KL: variants seen among roughly 807,000 people sequenced by gnomAD.
The protein encoded by KL is klotho, also known as alpha-klotho.
A neutral mutation model predicts 84.2 loss-of-function variants in KL; 62 were observed. That is an observed-to-expected ratio of 0.74 (90% CI 0.60 to 0.91). The LOEUF (loss-of-function observed/expected upper bound fraction) is 0.91, where lower values mean the gene tolerates loss of function less well. Among genes scored for constraint, KL ranks in the 40% least tolerant of loss-of-function variants. The probability of loss-of-function intolerance (pLI) is 0.00; values close to 1 mark genes in which losing one functional copy is unlikely to be tolerated. For synonymous variants in KL, 528 were observed against 528.0 expected (o/e 1.00, Z 0.00); for missense variants, 1,261 against 1,305.7 (o/e 0.97, Z 0.53).
rs1054830834 is a variant in KL at position 33,059,585 on chromosome 13, G to A, written c.1600-1094G>A. On this transcript the variant is annotated intron_variant, in intron 3 of 4. Transcript: ENST00000380099. ...CCTCCCGGGTTCAAGTGATTCTCCCGCCTCAGCTTCCTGAGTAGCTGGGAT... is the reference window on the plus strand; with the variant it reads ...CCTCCCGGGTTCAAGTGATTCTCCCACCTCAGCTTCCTGAGTAGCTGGGAT... 2.2e-4 allele frequency among the ~76,000 whole-genome samples: 34 copies of A among 151,924 alleles called. 1 individual carries two copies. Among genetic ancestry groups the A allele is most frequent in the African/African-American group, 1.7e-4 (7 of 41,348 alleles).
chr13:33,043,892 A>T (rs1467196203), intron 1 of KL, among the ~76,000 whole-genome samples: 1 of 152,242 alleles, frequency 6.6e-6, no homozygotes, highest in Non-Finnish European at 1.5e-5. Context: ...ATGTATATTT[A>T]TATAGTGCTT....
In KL at chr13:33,022,294, T is replaced by G. The variant is rs560643682; in HGVS notation, c.819+5035T>G. ...AGAAGCCTTCTGAATTATCTTATAT[T>G]CTCAAAAATATCATTGCTCTAAACT... is the stretch of plus-strand genomic sequence containing the variant. On this transcript the variant is annotated intron_variant, in intron 1 of 4. Transcript: ENST00000380099. Among the ~76,000 whole-genome samples, 27 of 152,352 alleles carry G rather than the reference T, an allele frequency of 1.8e-4. No individual in the cohort carries two copies. The South Asian group carries it at 5.6e-3, about 32-fold the overall frequency.
Position 33,055,214 on chromosome 13 carries a change from C to G in KL, c.1498C>G (p.Leu500Val). 6.2e-7 allele frequency: 1 copy of G among 1,614,222 alleles called. No homozygotes were observed. Among genetic ancestry groups the G allele is most frequent in the Non-Finnish European group, 8.5e-7 (1 of 1,180,040 alleles). ...PKSSALFYQK[L>V]IEKNGFPPLP... Reference sequence around the variant, plus strand: ...GTCTTCAGCCTTGTTCTACCAAAAGCTGATAGAGAAAAATGGCTTCCCTCC... The same window carrying G: ...GTCTTCAGCCTTGTTCTACCAAAAGGTGATAGAGAAAAATGGCTTCCCTCC... The change falls in exon 3 of 5, where the codon CTG becomes GTG. Residue 500 changes from leucine to valine, a missense_variant. By Grantham distance (32) the Leu-to-Val change is conservative. Coordinates refer to ENST00000380099, the MANE Select transcript of KL (RefSeq NM_004795.4).
In KL at chr13:33,057,844, G is replaced by A. The variant is rs149137382; in HGVS notation, c.1599+2529G>A. On this transcript the variant is annotated intron_variant, in intron 3 of 4. Transcript: ENST00000380099. ...TTTGTATGTCAGTTCTGAGGTGTGT[G>A]TGTTTTCACTTACAAACAGTACTCT... Among the ~76,000 whole-genome samples the A allele has an allele frequency of 1.6e-3, 250 of 152,326 alleles. 1 individual carries two copies. The highest frequency in any genetic ancestry group is 5.9e-3 in the African/African-American group (244 of 41,560).
chr13:33,061,392 A>G lies in KL; in HGVS notation c.2313A>G (p.Pro771=), dbSNP rs375688739. ...CCATTTTCGGCTCTGGAGATTATCC[A>G]TGGGTGATGAGGGACTGGCTGAACC... ...AEPIFGSGDY[P]WVMRDWLNQR... The change falls in exon 4 of 5, where the codon CCA becomes CCG. Residue 771 remains proline (P), a synonymous_variant. Transcript: ENST00000380099. 3.7e-6 allele frequency: 6 copies of G among 1,614,098 alleles called. No individual in the cohort carries two copies. The African/African-American group carries it at 4.0e-5, about 11-fold the overall frequency.
chr13:33,062,232 T>C (rs1294918647), intron 4 of KL, among the ~76,000 whole-genome samples: 5 of 151,732 alleles, frequency 3.3e-5, no homozygotes, highest in Non-Finnish European at 7.4e-5. Flanking sequence ...TCACAAAAAT[T>C]AGCTGGGCAC....
intron 1 of KL, among the ~76,000 whole-genome samples, chr13:33,033,266 C>A (rs574587412): frequency 6.6e-6 from 1 of 152,218 alleles, no homozygotes; most frequent in South Asian, 2.1e-4. Flanking sequence ...GTGAGAAATA[C>A]GGGAGATGGG....
At position 33,017,157 on chromosome 13, in the gene KL, C is replaced by G; in HGVS notation, c.717C>G (p.Asn239Lys). 1 of 1,601,502 alleles carries G rather than the reference C, an allele frequency of 6.2e-7. No individual in the cohort carries two copies. Among genetic ancestry groups the G allele is most frequent in the Non-Finnish European group, 8.5e-7 (1 of 1,179,778 alleles). ...GQVKYWITIDNPYVVAWHGYA... is the reference protein window; with the variant it reads ...GQVKYWITIDKPYVVAWHGYA... ...TCAAGTACTGGATCACCATCGACAA[C>G]CCCTACGTGGTGGCCTGGCACGGCT... The change falls in exon 1 of 5, where the codon AAC becomes AAG. Residue 239 changes from asparagine to lysine, a missense_variant. Transcript: ENST00000380099.
intron 1 of KL, among the ~76,000 whole-genome samples, chr13:33,038,500 C>T (rs1337577024): frequency 1.3e-5 from 2 of 152,214 alleles, no homozygotes. Flanking sequence ...TTGGATCTTA[C>T]AGTTTTTTTG....
At chr13:33,040,182 G>C (rs1871287809) in intron 1 of KL, among the ~76,000 whole-genome samples, 1 of 152,084 alleles carries the variant, frequency 6.6e-6, no homozygotes, top group African/African-American at 2.4e-5. Flanking sequence ...TTGTTTTGTG[G>C]GAGGCTGTTT....
intron 1 of KL, among the ~76,000 whole-genome samples, chr13:33,035,771 C>T (rs1593795989): frequency 6.6e-6 from 1 of 152,132 alleles, no homozygotes; most frequent in South Asian, 2.1e-4. Flanking sequence ...TTGTTAACAA[C>T]CTAGCGTCAA....
At chr13:33,032,971 C>T (rs1438203800) in intron 1 of KL, among the ~76,000 whole-genome samples, 1 of 152,070 alleles carries the variant, frequency 6.6e-6, no homozygotes, top group Non-Finnish European at 1.5e-5. Context: ...CATCTTCTGG[C>T]GTTTTCACTT....
At chr13:33,037,397 G>A (rs1871177105) in intron 1 of KL, among the ~76,000 whole-genome samples, 1 of 152,104 alleles carries the variant, frequency 6.6e-6, no homozygotes, top group African/African-American at 2.4e-5. Flanking sequence ...CACCTTTCCA[G>A]ACTGACTTAT....
rs1260157369 is a variant in KL at position 33,064,049 on chromosome 13, A to C, written c.2902A>C (p.Thr968Pro). The change falls in exon 5 of 5, where the codon ACC (threonine) becomes CCC (proline). Residue 968 changes from threonine (T) to proline (P), a missense_variant. By Grantham distance (38) the Thr-to-Pro change is conservative. Transcript: ENST00000380099. ...GGAAAGATTTTGTCCAGAAGAATTC[A>C]CCGTGTGTACTGAGTGCAGTTTTTT... ...TLERFCPEEF[T>P]VCTECSFFHT... is the part of the protein sequence containing the mutation. 6.2e-7 allele frequency: 1 copy of C among 1,614,180 alleles called. No homozygotes were observed. The highest frequency in any genetic ancestry group is 1.7e-5 in the Admixed American group (1 of 60,026).
chr13:33,048,268 G>GTT (rs1424593725), intron 1 of KL, among the ~76,000 whole-genome samples: 2 of 152,100 alleles, frequency 1.3e-5, no homozygotes, highest in African/African-American at 4.8e-5. Flanking sequence ...GTTGTATTTA[G>GTT]TTCTGCCAAG....
chr13:33,061,605 C>A lies in KL; in HGVS notation c.2526C>A (p.Pro842=). 1 of 1,614,192 alleles carries A rather than the reference C, an allele frequency of 6.2e-7. No homozygotes were observed. Among genetic ancestry groups the A allele is most frequent in the Non-Finnish European group, 8.5e-7 (1 of 1,180,034 alleles). Residue 842 remains proline, a synonymous_variant, in exon 4 of 5, where the codon CCC becomes CCA. Coordinates refer to ENST00000380099, the MANE Select transcript of KL (RefSeq NM_004795.4). Reference sequence around the variant, plus strand: ...CCGACATCACGTGGCTCAACTCCCCCAGTCAGGTGGCGGTAGTGCCCTGGG... The same window carrying A: ...CCGACATCACGTGGCTCAACTCCCCAAGTCAGGTGGCGGTAGTGCCCTGGG... ...EMTDITWLNS[P]SQVAVVPWGL...
chr13:33,032,440 G>A (rs1370805352), intron 1 of KL, among the ~76,000 whole-genome samples: 3 of 152,160 alleles, frequency 2.0e-5, no homozygotes. Context: ...TGTGATCCGC[G>A]GTTGAGCCTG....
In KL at chr13:33,053,908, G is replaced by T; in HGVS notation, c.961G>T (p.Asp321Tyr). ...HSIKECQKSL[D>Y]FVLGWFAKPV... ...CATCAAAGAATGTCAAAAATCTCTG[G>T]ACTTTGTACTAGGTTGGTTTGCCAA... Residue 321 changes from aspartate (D) to tyrosine (Y), a missense_variant, in exon 2 of 5, where the codon GAC becomes TAC. By Grantham distance (160) the Asp-to-Tyr change is radical. Transcript: ENST00000380099. 6.2e-7 allele frequency: 1 copy of T among 1,614,120 alleles called. No homozygotes were observed. Among genetic ancestry groups the T allele is most frequent in the Non-Finnish European group, 8.5e-7 (1 of 1,180,014 alleles).
At chr13:33,044,635 ATTTTCTTTTTTTTTTTT>A (rs1369954748) in intron 1 of KL, among the ~76,000 whole-genome samples, 46 of 72,316 alleles carry the variant, frequency 6.4e-4, no homozygotes, top group African/African-American at 9.2e-4. Context: ...AATGCAATTG[ATTTTCTTTTTTTTTTTT>A]TTTTTTTTTT....
Sources: gnomAD v4.1 joint callset for allele counts (sites outside exome capture counted in the v4.1 genomes callset) on GRCh38, gnomAD v4.1.1 for gene constraint, MANE v1.5 for transcripts, NCBI Gene and HGNC (gene_info 2026-07-23, HGNC 2026-07-21) for gene names.